The following CBLIF variants were observed in gnomAD, a reference collection of about 807,000 sequenced individuals.
The protein encoded by CBLIF is gastric intrinsic factor (vitamin B synthesis).
CBLIF carries 24 observed loss-of-function variants against 44.9 expected under a neutral mutation model. The ratio of observed to expected loss-of-function variants is 0.53; its 90% CI spans 0.39 to 0.75. CBLIF has a LOEUF of 0.75. CBLIF is among the 30% of genes least tolerant of loss of function. CBLIF has a pLI of 0.00. For missense variants in CBLIF, 481 were observed against 513.0 expected, an observed-to-expected ratio of 0.94 and a Z score of 0.60; for synonymous variants, 183 against 190.9, an observed-to-expected ratio of 0.96 and a Z score of 0.34.
At chr11:59,831,610 G>GA in intron 8 of CBLIF, 68 bp downstream of exon 8, 1 of 777,636 alleles carries the variant, frequency 1.3e-6, no homozygotes, top group Non-Finnish European at 2.3e-6. Flanking sequence ...TAAATTAAAT[G>GA]AAAAAATAAT....
At chr11:59,841,062 TTAG>T in intron 5 of CBLIF, 78 bp downstream of exon 5, 1 of 992,866 alleles carries the variant, frequency 1.0e-6, no homozygotes, top group South Asian at 1.3e-5. Flanking sequence ...CACAGAGATG[TTAG>T]TAGAAGCCTG....
At chr11:59,834,299 T>TTCCTTCCTTCCTTC in intron 7 of CBLIF, among the ~76,000 whole-genome samples, 1 of 115,094 alleles carries the variant, frequency 8.7e-6, no homozygotes, top group African/African-American at 3.9e-5. Context: ...TTTCTTTCTT[T>TTCCTTCCTTCCTTC]CTTTCTTTCT....
chr11:59,833,456 G>T (rs939606321), intron 7 of CBLIF, among the ~76,000 whole-genome samples: 1 of 151,796 alleles, frequency 6.6e-6, no homozygotes. Flanking sequence ...GGTGGGGGTT[G>T]CAGTGAGCCG....
intron 6 of CBLIF, among the ~76,000 whole-genome samples, chr11:59,836,940 C>T (rs1310427481): frequency 6.6e-6 from 1 of 152,198 alleles, no homozygotes; most frequent in African/African-American, 2.4e-5. Context: ...ATGCTTTGCA[C>T]ATAGTAGGAG....
rs1866354743 is a variant in CBLIF at position 59,830,232 on chromosome 11, T to C, written c.1193-687A>G. Among the ~76,000 whole-genome samples, 4 of 148,650 alleles carry C rather than the reference T, an allele frequency of 2.7e-5. No homozygotes were observed. In the East Asian group the frequency reaches 5.9e-4, roughly 22 times the overall value. On this transcript the variant is annotated intron_variant, in intron 8 of 8. Transcript: ENST00000257248. ...ATTTAAGTTCCTGGGGCAATTACTT[T>C]CTTTTTTTTTTTTTTTTTTTTTGAA...
At position 59,845,378 on chromosome 11, in the gene CBLIF, A is replaced by G. The variant is rs1253511246; in HGVS notation, c.76T>C (p.Cys26Arg). 2 of 1,611,668 alleles carry G rather than the reference A, an allele frequency of 1.2e-6. No homozygotes were observed. The highest frequency in any genetic ancestry group is 2.7e-5 in the African/African-American group (2 of 74,850). The change falls in exon 1 of 9, where the codon TGC becomes CGC. Residue 26 changes from cysteine (C) to arginine (R), a missense_variant. Transcript: ENST00000257248. ...CTTGGAAAAACATCATACTCACAGCATGAACTCTGGGTCTGGGTACTAGTC... is the reference window on the plus strand; with the variant it reads ...CTTGGAAAAACATCATACTCACAGCGTGAACTCTGGGTCTGGGTACTAGTC... ...AGTSTQTQSS[C>R]SVPSAQEPLV...
intron 6 of CBLIF, 80 bp downstream of exon 6, chr11:59,837,094 T>C (rs1866465701): frequency 9.3e-7 from 1 of 1,072,840 alleles, no homozygotes; most frequent in South Asian, 1.3e-5. Flanking sequence ...TACAAGCCTA[T>C]ATGCCACTTA....
chr11:59,843,663 C>G (rs1866568548), intron 2 of CBLIF, among the ~76,000 whole-genome samples: 1 of 152,164 alleles, frequency 6.6e-6, no homozygotes, highest in African/African-American at 2.4e-5. Flanking sequence ...GACGTCTAGT[C>G]CAGAGCTCTC....
At chr11:59,835,350 G>A (rs1178034251) in intron 7 of CBLIF, among the ~76,000 whole-genome samples, 1 of 151,816 alleles carries the variant, frequency 6.6e-6, no homozygotes, top group Admixed American at 6.6e-5. Context: ...TCACCATGTT[G>A]GTGAAACTCC....
rs1565210968 is a variant in CBLIF at position 59,845,457 on chromosome 11, ACT to A, written c.-6_-5del. The A allele has an allele frequency of 3.8e-6, 6 of 1,596,122 alleles. No individual in the cohort carries two copies. The South Asian group carries it at 4.4e-5, about 12-fold the overall frequency. ...GGTAGAGGGCAAACCAGGCCATCTCACTCTCTCGTCTATGTCTCTCATCCACA... is the reference window on the plus strand; with the variant it reads ...GGTAGAGGGCAAACCAGGCCATCTCACTCTCGTCTATGTCTCTCATCCACA... On this transcript the variant is annotated 5_prime_UTR_variant, in exon 1 of 9. Coordinates refer to ENST00000257248, the MANE Select transcript of CBLIF (RefSeq NM_005142.3).
rs777010766 is a variant in CBLIF, at chr11:59,835,928, A to G, written c.953T>C (p.Ile318Thr). Residue 318 changes from isoleucine to threonine, a missense_variant, in exon 7 of 9, where the codon ATA (isoleucine) becomes ACA (threonine). Physicochemically the swap from Ile to Thr is moderately conservative, Grantham distance 89 (BLOSUM62 -1). Transcript: ENST00000257248. Reference sequence around the variant, plus strand: ...CTCAACCCCCCTCAGCTGGTTATTTATGGTGTATATGACAGTGATGTTAGA... The same window carrying G: ...CTCAACCCCCCTCAGCTGGTTATTTGTGGTGTATATGACAGTGATGTTAGA... ...SASNITVIYT[I>T]NNQLRGVELL... 9.3e-6 allele frequency: 15 copies of G among 1,613,874 alleles called. No homozygotes were observed. The highest frequency in any genetic ancestry group is 1.2e-5 in the Non-Finnish European group (14 of 1,179,874).
chr11:59,842,709 G>A (rs143174972), intron 3 of CBLIF, 126 bp from the exon 4 acceptor site: 22 of 900,036 alleles, frequency 2.4e-5, no homozygotes, highest in Non-Finnish European at 3.6e-5. Context: ...GAGAGACACA[G>A]CATAGGCAAA....
intron 5 of CBLIF, among the ~76,000 whole-genome samples, chr11:59,839,158 C>G (rs1363969173): frequency 6.6e-6 from 1 of 152,134 alleles, no homozygotes; most frequent in Non-Finnish European, 1.5e-5. Flanking sequence ...CTATCAGATC[C>G]CTTTTCAAGA....
chr11:59,843,057 T>C lies in CBLIF; in HGVS notation c.341A>G (p.Gln114Arg). ...AGGTGCCCAGTTCTCCATTTGTCTT[T>C]GTAGAATGGATACTTTATCCCCAGG... is the stretch of plus-strand genomic sequence containing the variant. ...RDPGDKVSIL[Q>R]RQMENWAPSS... is the part of the protein sequence containing the mutation. The change falls in exon 3 of 9, where the codon CAA becomes CGA. Residue 114 changes from glutamine to arginine, a missense_variant. Gln to Arg is a conservative substitution (Grantham distance 43). Transcript: ENST00000257248. 6.2e-7 allele frequency: 1 copy of C among 1,611,164 alleles called. No homozygotes were observed. Among genetic ancestry groups the C allele is most frequent in the South Asian group, 1.1e-5 (1 of 91,030 alleles).
intron 7 of CBLIF, among the ~76,000 whole-genome samples, chr11:59,834,292 CTT>C (rs1353620358): frequency 1.5e-5 from 2 of 137,708 alleles, no homozygotes; most frequent in East Asian, 4.2e-4. Flanking sequence ...TTCTTTCTTT[CTT>C]TCTTTCTTTC....
intron 1 of CBLIF, among the ~76,000 whole-genome samples, chr11:59,844,294 C>T (rs1273579399): frequency 1.3e-5 from 2 of 152,064 alleles, no homozygotes; most frequent in East Asian, 1.9e-4. Context: ...TGCACCACCA[C>T]GCCAGGCTAA....
In CBLIF at chr11:59,829,555, A is replaced by C; in HGVS notation, c.1193-10T>G. 1 of 1,588,104 alleles carries C rather than the reference A, an allele frequency of 6.3e-7. No homozygotes were observed. The highest frequency in any genetic ancestry group is 8.6e-7 in the Non-Finnish European group (1 of 1,156,304). On this transcript the variant is annotated splice_polypyrimidine_tract_variant and intron_variant, in intron 8 of 8. Transcript: ENST00000257248. The stretch of plus-strand genomic sequence containing the variant: ...ATGTAGTCAGCAACCCCTGGAAATA[A>C]GCAGAGAATAACATGAGGTGACTGT...
Position 59,844,184 on chromosome 11 carries a change from C to T in CBLIF, c.80-129G>A, listed in dbSNP as rs113525515. On this transcript the variant is annotated intron_variant, in intron 1 of 8. Transcript: ENST00000257248. ...GACAGTGTTACTCTTGTTGCCCAGG[C>T]TAGAGTGCAATGGCACGATCTCGGC... 0.05 allele frequency: 38,667 copies of T among 773,608 alleles called. 1,395 individuals carry two copies. Among genetic ancestry groups the T allele is most frequent in the African/African-American group, 0.13 (7,559 of 58,230 alleles). The allele number at this position is 773,608 out of a possible 1,614,324, so 47.9% of individuals were successfully genotyped here. A position where few individuals can be genotyped will look rare whatever the true frequency, so the allele number is the denominator to read the frequency against.
In CBLIF at chr11:59,843,990, A is replaced by G. The variant is rs1866573603; in HGVS notation, c.145T>C (p.Ser49Pro). The G allele has an allele frequency of 6.2e-7, 1 of 1,613,440 alleles. No homozygotes were observed. Among genetic ancestry groups the G allele is most frequent in the Non-Finnish European group, 8.5e-7 (1 of 1,179,426 alleles). The change falls in exon 2 of 9, where the codon TCA becomes CCA. Residue 49 changes from serine to proline, a missense_variant. Transcript: ENST00000257248. The part of the protein sequence containing the change: ...IQVLMENSVT[S>P]SAYPNPSILI... ...ATGCTGGGGTTTGGGTAGGCTGATG[A>G]AGTCACCGAGTTCTCCATGAGTACT...
Sources: gnomAD v4.1 joint callset for allele counts (sites outside exome capture counted in the v4.1 genomes callset) on GRCh38, gnomAD v4.1.1 for gene constraint, MANE v1.5 for transcripts, NCBI Gene and HGNC (gene_info 2026-07-23, HGNC 2026-07-21) for gene names.